BBS9: variants seen among roughly 807,000 people sequenced by gnomAD.
BBS9 encodes the protein protein PTHB1.
BBS9 carries 89 observed loss-of-function variants against 117.7 expected under a neutral mutation model. The observed-to-expected ratio is 0.76, with a 90% CI of 0.64 to 0.90. The LOEUF (loss-of-function observed/expected upper bound fraction) is 0.90. BBS9 is among the 40% of genes least tolerant of loss of function. The pLI, the probability that BBS9 is intolerant of heterozygous loss-of-function variation, is 0.00. For synonymous variants in BBS9, 379 were observed against 370.9 expected, an observed-to-expected ratio of 1.02 and a Z score of -0.25; for missense variants, 982 against 1,042.2, an observed-to-expected ratio of 0.94 and a Z score of 0.80.
rs763742314 is a variant in BBS9, at chr7:33,273,118, G to C, written c.809G>C (p.Cys270Ser). Residue 270 changes from cysteine to serine, a missense_variant, in exon 8 of 23, where the codon TGC becomes TCC. Transcript: ENST00000242067. ...GTTCTTGGTGAGAGAAACTTTTTTT[G>C]CCTTAAGGATAATGGACAAATTCGA... The part of the protein sequence containing the change: ...VFVLGERNFF[C>S]LKDNGQIRFM... 54 of 1,613,516 alleles carry C rather than the reference G, an allele frequency of 3.3e-5. 1 individual carries two copies. The highest frequency in any genetic ancestry group is 3.0e-4 in the South Asian group (27 of 91,058).
At chr7:33,433,995 T>G (rs1164002842) in intron 19 of BBS9, among the ~76,000 whole-genome samples, 1 of 152,098 alleles carries the variant, frequency 6.6e-6, no homozygotes, top group Non-Finnish European at 1.5e-5. Context: ...ATGCATATTT[T>G]GCCGTATAAC....
intron 9 of BBS9, among the ~76,000 whole-genome samples, chr7:33,326,224 TCCCTCCCCTCCCCTCC>T (rs1190339046): frequency 6.6e-6 from 1 of 151,704 alleles, no homozygotes; most frequent in African/African-American, 2.4e-5. Flanking sequence ...CCTACTCTTT[TCCCTCCCCTCCCCTCC>T]CCCTCCCCTC....
intron 21 of BBS9, among the ~76,000 whole-genome samples, chr7:33,581,653 G>T (rs1303151226): frequency 6.6e-6 from 1 of 152,260 alleles, no homozygotes; most frequent in East Asian, 1.9e-4. Context: ...GGTTATTCTT[G>T]TAGTTTGGGT....
At chr7:33,322,862 A>G (rs533396741) in intron 9 of BBS9, among the ~76,000 whole-genome samples, 1 of 152,202 alleles carries the variant, frequency 6.6e-6, no homozygotes, top group African/African-American at 2.4e-5. Flanking sequence ...TTTTAACTGT[A>G]GATGCTTATA....
At chr7:33,552,719 T>C (rs1854631640) in intron 21 of BBS9, among the ~76,000 whole-genome samples, 1 of 152,196 alleles carries the variant, frequency 6.6e-6, no homozygotes. Flanking sequence ...TCTCAAACTG[T>C]GCAGAAGACC....
At chr7:33,148,791 T>G (rs972380053) in intron 2 of BBS9, among the ~76,000 whole-genome samples, 5 of 146,250 alleles carry the variant, frequency 3.4e-5, no homozygotes, top group Non-Finnish European at 7.7e-5. Flanking sequence ...TAATTTTTAT[T>G]TTTATTTTTT....
chr7:33,472,486 A>G (rs750498192), intron 19 of BBS9, among the ~76,000 whole-genome samples: 4 of 152,182 alleles, frequency 2.6e-5, no homozygotes, highest in Non-Finnish European at 4.4e-5. Context: ...GCCAAATGTA[A>G]TAAGTAAGCT....
intron 21 of BBS9, among the ~76,000 whole-genome samples, chr7:33,537,994 C>A (rs893175517): frequency 1.4e-4 from 22 of 152,124 alleles, no homozygotes; most frequent in Non-Finnish European, 2.2e-4. Flanking sequence ...AGTGACGGCC[C>A]ATCAGATAGA....
intron 4 of BBS9, 101 bp from the exon 5 acceptor site, chr7:33,177,376 TA>T: frequency 1.3e-6 from 1 of 795,048 alleles, no homozygotes; most frequent in Non-Finnish European, 2.1e-6. Flanking sequence ...TTTGCCATTA[TA>T]ATTTCCCTAA....
intron 21 of BBS9, among the ~76,000 whole-genome samples, chr7:33,625,156 G>A (rs137935334): frequency 3.2e-4 from 49 of 152,222 alleles, no homozygotes; most frequent in Middle Eastern, 3.4e-3. Context: ...ACCACCTGAC[G>A]AAGCACAAAA....
rs142807037 is a variant in BBS9 at position 33,213,571 on chromosome 7, C to G, written c.442+35980C>G. ...CAGAAAGAGTGTTTCAGCATAGCCA[C>G]CACAGCTGGGAATGTGCTGGGTCAC... On this transcript the variant is annotated intron_variant, in intron 5 of 22. Coordinates refer to ENST00000242067, the MANE Select transcript of BBS9 (RefSeq NM_198428.3). 4.8e-3 allele frequency among the ~76,000 whole-genome samples: 733 copies of G among 152,302 alleles called. 9 individuals are homozygous for G. Among genetic ancestry groups the G allele is most frequent in the African/African-American group, 0.017 (705 of 41,560 alleles).
chr7:33,366,667 C>A (rs1457011508), intron 16 of BBS9, among the ~76,000 whole-genome samples: 9 of 151,556 alleles, frequency 5.9e-5, no homozygotes, highest in Admixed American at 2.0e-4. Flanking sequence ...GCCTCAGCCT[C>A]CTGGGTAGCT....
intron 19 of BBS9, among the ~76,000 whole-genome samples, chr7:33,496,036 T>C (rs1344684623): frequency 3.3e-5 from 5 of 152,166 alleles, no homozygotes; most frequent in African/African-American, 7.2e-5. Context: ...AGAAAAACCA[T>C]TGTGACTTCC....
chr7:33,490,862 G>A (rs1037733268), intron 19 of BBS9, among the ~76,000 whole-genome samples: 1 of 152,166 alleles, frequency 6.6e-6, no homozygotes, highest in Non-Finnish European at 1.5e-5. Context: ...TTCTAGCTCC[G>A]TGGAGTTCTT....
chr7:33,574,407 A>G (rs1394284053), intron 21 of BBS9, among the ~76,000 whole-genome samples: 1 of 152,100 alleles, frequency 6.6e-6, no homozygotes, highest in Admixed American at 6.6e-5. Flanking sequence ...TATCCCTTCC[A>G]GTCATCCAAC....
downstream of BBS9, among the ~76,000 whole-genome samples, chr7:33,607,520 A>G (rs894537159): frequency 6.6e-6 from 1 of 152,146 alleles, no homozygotes; most frequent in Non-Finnish European, 1.5e-5. Context: ...AACAAGTCAC[A>G]TTTGTAAAAA....
At chr7:33,625,111 T>C (rs1865578009) in intron 21 of BBS9, among the ~76,000 whole-genome samples, 1 of 152,170 alleles carries the variant, frequency 6.6e-6, no homozygotes, top group Non-Finnish European at 1.5e-5. Context: ...GAGGGAAAGG[T>C]CATTTTGTAT....
intron 4 of BBS9, among the ~76,000 whole-genome samples, chr7:33,161,555 A>G (rs1382163532): frequency 6.6e-6 from 1 of 152,158 alleles, no homozygotes; most frequent in Non-Finnish European, 1.5e-5. Context: ...AGTCTTTGCT[A>G]TTGTGAATAG....
chr7:33,133,894 G>A (rs1213202561), intron 1 of BBS9, among the ~76,000 whole-genome samples: 1 of 152,158 alleles, frequency 6.6e-6, no homozygotes, highest in African/African-American at 2.4e-5. Context: ...TTTCCAAAGT[G>A]GTTGCATCGT....
Sources: allele counts gnomAD v4.1 joint callset (sites outside exome capture counted in the v4.1 genomes callset), GRCh38; gene constraint gnomAD v4.1.1; transcripts MANE v1.5; gene names NCBI Gene and HGNC (gene_info 2026-07-23, HGNC 2026-07-21).